Variants in TENM2 observed in about 807,000 individuals in gnomAD.
TENM2 encodes the protein teneurin-2.
In TENM2, 52 loss-of-function variants were observed where a neutral mutation model predicts 245.2. The observed-to-expected ratio is 0.21, with a 90% CI of 0.17 to 0.27. The LOEUF (loss-of-function observed/expected upper bound fraction) is 0.27, where lower values mean the gene tolerates loss of function less well. Ranked by LOEUF, TENM2 falls within the 10% of genes least tolerant of loss-of-function variation. The probability of loss-of-function intolerance (pLI) is 1.00; values close to 1 mark genes in which losing one functional copy is unlikely to be tolerated. For synonymous variants in TENM2, 1,363 were observed against 1,438.9 expected (o/e 0.95, Z 1.19); for missense variants, 3,046 against 3,666.8 (o/e 0.83, Z 4.37).
At chr5:167,873,636 G>T (rs1397331573) in intron 2 of TENM2, among the ~76,000 whole-genome samples, 2 of 152,328 alleles carry the variant, frequency 1.3e-5, no homozygotes, top group African/African-American at 2.4e-5. Flanking sequence ...GTGGCAGATA[G>T]TTATTGTGTA....
At chr5:167,916,156 G>A (rs1352901855) in intron 3 of TENM2, among the ~76,000 whole-genome samples, 1 of 152,154 alleles carries the variant, frequency 6.6e-6, no homozygotes, top group Non-Finnish European at 1.5e-5. Context: ...ATTAGCGCAG[G>A]GTCTGAGGCT....
At chr5:167,634,478 ATT>A (rs35834363) in intron 2 of TENM2, among the ~76,000 whole-genome samples, 11 of 144,042 alleles carry the variant, frequency 7.6e-5, no homozygotes, top group African/African-American at 1.3e-4. Flanking sequence ...AACTTAACTG[ATT>A]TTTTTTTTTT....
intron 2 of TENM2, among the ~76,000 whole-genome samples, chr5:167,853,772 T>C (rs1162501188): frequency 1.3e-5 from 2 of 152,234 alleles, no homozygotes; most frequent in African/African-American, 4.8e-5. Flanking sequence ...AAGTTGTATA[T>C]TCATGGACAT....
intron 4 of TENM2, among the ~76,000 whole-genome samples, chr5:167,958,257 T>C (rs1025759465): frequency 5.9e-5 from 9 of 152,216 alleles, no homozygotes; most frequent in Admixed American, 3.9e-4. Flanking sequence ...TGATCTTTGT[T>C]GGTTTAAAGT....
intron 2 of TENM2, among the ~76,000 whole-genome samples, chr5:167,631,136 T>C (rs1252472631): frequency 6.6e-6 from 1 of 152,016 alleles, no homozygotes; most frequent in Non-Finnish European, 1.5e-5. Flanking sequence ...AAAGATGAGA[T>C]CCCTGCCCTC....
chr5:167,716,290 C>G (rs1326934663), intron 2 of TENM2, among the ~76,000 whole-genome samples: 2 of 152,176 alleles, frequency 1.3e-5, no homozygotes, highest in African/African-American at 4.8e-5. Flanking sequence ...ATGCCTTCTC[C>G]CACAATCTGC....
chr5:168,094,880 C>G (rs1362229679), intron 8 of TENM2, among the ~76,000 whole-genome samples: 6 of 152,072 alleles, frequency 3.9e-5, no homozygotes, highest in African/African-American at 1.4e-4. Context: ...AGCTCCGCCC[C>G]CTGTCAGATC....
intron 13 of TENM2, among the ~76,000 whole-genome samples, chr5:168,180,072 G>C (rs1178897657): frequency 6.6e-6 from 1 of 152,166 alleles, no homozygotes; most frequent in African/African-American, 2.4e-5. Context: ...TGTTGGGCCT[G>C]ATCACCAAAA....
the TENM2 span, among the ~76,000 whole-genome samples, chr5:167,075,885 A>G: frequency 3.3e-5 from 5 of 152,198 alleles, no homozygotes; most frequent in Non-Finnish European, 2.9e-5. Context: ...TCTGCTGCTC[A>G]TTTAGAGTGT....
chr5:167,285,010 G>A, exon 1 of TENM2: 2 of 1,552,114 alleles, frequency 1.3e-6, no homozygotes, highest in East Asian at 2.4e-5. Context: ...ATGCACTATG[G>A]AAACCGAGTC....
At chr5:167,899,987 G>A (rs564666252) in intron 3 of TENM2, among the ~76,000 whole-genome samples, 10 of 152,008 alleles carry the variant, frequency 6.6e-5, no homozygotes, top group Admixed American at 6.6e-4. Flanking sequence ...CCTAACCTCA[G>A]TTAGTTAGTG....
chr5:167,300,820 G>A (rs919078653), intron 1 of TENM2, among the ~76,000 whole-genome samples: 3 of 152,112 alleles, frequency 2.0e-5, no homozygotes, highest in Non-Finnish European at 4.4e-5. Flanking sequence ...CTGTAGCCCA[G>A]GAATAGTCAG....
chr5:167,827,461 A>T (rs1451528244), intron 2 of TENM2, among the ~76,000 whole-genome samples: 1 of 152,130 alleles, frequency 6.6e-6, no homozygotes, highest in Non-Finnish European at 1.5e-5. Flanking sequence ...ATCTATTCAG[A>T]ACAGAGAATG....
intron 4 of TENM2, among the ~76,000 whole-genome samples, chr5:167,991,828 A>T (rs1013366412): frequency 1.3e-5 from 2 of 152,226 alleles, no homozygotes; most frequent in African/African-American, 4.8e-5. Context: ...GTAGGGTAAA[A>T]TGTCAGTACA....
intron 2 of TENM2, among the ~76,000 whole-genome samples, chr5:167,767,833 G>A (rs948622699): frequency 2.0e-5 from 3 of 152,156 alleles, no homozygotes; most frequent in Admixed American, 1.3e-4. Flanking sequence ...TAAAAGACTG[G>A]CAAAATCCCT....
At chr5:167,590,135 AT>A (rs1412288914) in intron 2 of TENM2, among the ~76,000 whole-genome samples, 1 of 151,796 alleles carries the variant, frequency 6.6e-6, no homozygotes, top group Non-Finnish European at 1.5e-5. Context: ...AGATTGCAAT[AT>A]TTTTAGGATA....
At chr5:167,985,808 C>A (rs12521680) in intron 4 of TENM2, among the ~76,000 whole-genome samples, 20,802 of 152,154 alleles carry the variant, frequency 0.14, 1,759 homozygotes, top group Admixed American at 0.25. Flanking sequence ...TTGTTTGTTT[C>A]TTTGGTGGGA....
the TENM2 span, among the ~76,000 whole-genome samples, chr5:167,199,112 A>G: frequency 6.6e-6 from 1 of 151,540 alleles, no homozygotes. Flanking sequence ...AAAAAAAAAA[A>G]AAAAAAAAGA....
At chr5:167,872,528 G>GAA (rs869033637) in intron 2 of TENM2, among the ~76,000 whole-genome samples, 154 of 50,982 alleles carry the variant, frequency 3.0e-3, no homozygotes, top group African/African-American at 7.8e-3. Context: ...AAGAAAGAAA[G>GAA]AAAGAAAGAA....
Sources: gnomAD v4.1 joint callset for allele counts (sites outside exome capture counted in the v4.1 genomes callset) on GRCh38, gnomAD v4.1.1 for gene constraint, MANE v1.5 for transcripts, NCBI Gene and HGNC (gene_info 2026-07-23, HGNC 2026-07-21) for gene names.